Variants in MEIS1 observed in about 807,000 individuals in gnomAD.
The protein encoded by MEIS1 is homeobox protein Meis1.
In MEIS1, 5 loss-of-function variants were observed where a neutral mutation model predicts 50.8. The ratio of observed to expected loss-of-function variants is 0.10; its 90% CI spans 0.05 to 0.21. MEIS1 has a LOEUF of 0.21. Ranked by LOEUF, MEIS1 falls within the 10% of genes least tolerant of loss-of-function variation. MEIS1 has a pLI of 1.00. For synonymous variants in MEIS1, 176 were observed against 179.3 expected (o/e 0.98, Z 0.15); for missense variants, 318 against 517.3 (o/e 0.61, Z 3.74).
chr2:66,445,158 T>C (rs2103696068), intron 6 of MEIS1: 1 of 152,360 alleles, frequency 6.6e-6, no homozygotes, highest in Non-Finnish European at 1.5e-5. Context: ...GAATCTGACT[T>C]CTGGTCCCCG....
intron 5 of MEIS1, 24 bp from the exon 6 acceptor site, chr2:66,442,878 T>G (rs762812768): frequency 1.3e-6 from 2 of 1,569,624 alleles, no homozygotes; most frequent in Non-Finnish European, 1.7e-6. Context: ...ATATTCCCAT[T>G]TTTTTATTTC....
intron 7 of MEIS1, among the ~76,000 whole-genome samples, chr2:66,503,414 T>A (rs1673604243): frequency 6.6e-6 from 1 of 152,198 alleles, no homozygotes; most frequent in Non-Finnish European, 1.5e-5. Context: ...CCACTACACG[T>A]AGTTGACTTT....
intron 7 of MEIS1, among the ~76,000 whole-genome samples, chr2:66,472,824 G>A (rs536001048): frequency 6.6e-6 from 1 of 152,250 alleles, no homozygotes; most frequent in Non-Finnish European, 1.5e-5. Flanking sequence ...GCCAGCCAGT[G>A]CCTCTGCTGT....
At chr2:66,553,272 G>A (rs1674967232) in intron 9 of MEIS1, among the ~76,000 whole-genome samples, 1 of 152,144 alleles carries the variant, frequency 6.6e-6, no homozygotes. Flanking sequence ...TTGATCAATG[G>A]AGTAACAGGT....
intron 8 of MEIS1, among the ~76,000 whole-genome samples, chr2:66,516,248 C>T (rs545921178): frequency 1.1e-3 from 165 of 152,202 alleles, no homozygotes; most frequent in African/African-American, 3.7e-3. Context: ...GCATGGAGCT[C>T]CCGTGCTTCC....
At position 66,529,568 on chromosome 2, in the gene MEIS1, C is replaced by A. The variant is rs1674339848; in HGVS notation, c.888+17274C>A. On this transcript the variant is annotated intron_variant, in intron 8 of 12. Coordinates refer to ENST00000272369, the MANE Select transcript of MEIS1 (RefSeq NM_002398.3). Reference sequence around the variant, plus strand: ...CCTCCTGCCTCGGCCTCCTGAGTAGCTGGGACTGTAGGCACATGCCACCAC... The same window carrying A: ...CCTCCTGCCTCGGCCTCCTGAGTAGATGGGACTGTAGGCACATGCCACCAC... Among the ~76,000 whole-genome samples, 5 of 152,292 alleles carry A rather than the reference C, an allele frequency of 3.3e-5. No homozygotes were observed. In the South Asian group the frequency reaches 1.0e-3, roughly 32 times the overall value.
chr2:66,509,794 T>A (rs973755031), intron 7 of MEIS1, among the ~76,000 whole-genome samples: 1 of 152,180 alleles, frequency 6.6e-6, no homozygotes, highest in Non-Finnish European at 1.5e-5. Flanking sequence ...CCTGAGGTAA[T>A]GGGAAGCTAA....
At chr2:66,566,827 A>T (rs1244012158) in intron 9 of MEIS1, among the ~76,000 whole-genome samples, 1 of 150,592 alleles carries the variant, frequency 6.6e-6, no homozygotes, top group Non-Finnish European at 1.5e-5. Context: ...AAAAAAAACA[A>T]CAACAACAAA....
chr2:66,494,433 A>T (rs1244077334), intron 7 of MEIS1, among the ~76,000 whole-genome samples: 1 of 152,240 alleles, frequency 6.6e-6, no homozygotes, highest in Non-Finnish European at 1.5e-5. Flanking sequence ...ACTCTAAAGA[A>T]ATTTATTATC....
intron 7 of MEIS1, among the ~76,000 whole-genome samples, chr2:66,479,176 A>G (rs1672960660): frequency 6.6e-6 from 1 of 152,236 alleles, no homozygotes; most frequent in Non-Finnish European, 1.5e-5. Context: ...GCAGCTAAAG[A>G]AAAAACAAAA....
chr2:66,464,012 C>T, intron 6 of MEIS1, 97 bp from the exon 7 acceptor site: 1 of 832,454 alleles, frequency 1.2e-6, no homozygotes, highest in Non-Finnish European at 2.0e-6. Context: ...TGGTTATGTG[C>T]TCCAGCCCTC....
chr2:66,506,461 G>A (rs1673687198), intron 7 of MEIS1, among the ~76,000 whole-genome samples: 2 of 152,148 alleles, frequency 1.3e-5, no homozygotes, highest in South Asian at 2.1e-4. Flanking sequence ...AGGACCGGAG[G>A]TGGAGCTGTG....
At chr2:66,508,868 G>A (rs947462251) in intron 7 of MEIS1, 2 of 385,196 alleles carry the variant, frequency 5.2e-6, no homozygotes, top group African/African-American at 4.3e-5. Flanking sequence ...GCTTGTTTAT[G>A]GACTAGCATC....
At position 66,435,749 on chromosome 2, in the gene MEIS1, T is replaced by C; in HGVS notation, c.-108T>C. ...TAAGGGATTTTTCGTCGTGCTTTTT[T>C]TTTTTTTTTTTTTTTTTTCCGGGGG... On this transcript the variant is annotated 5_prime_UTR_variant, in exon 1 of 13. Coordinates refer to ENST00000272369, the MANE Select transcript of MEIS1 (RefSeq NM_002398.3). 1 of 697,446 alleles carries C rather than the reference T, an allele frequency of 1.4e-6. No individual in the cohort carries two copies. 43.2% of individuals were successfully genotyped at this position (697,446 alleles called of 1,614,324 possible).
At chr2:66,500,137 T>C (rs1673513905) in intron 7 of MEIS1, among the ~76,000 whole-genome samples, 1 of 152,216 alleles carries the variant, frequency 6.6e-6, no homozygotes, top group Admixed American at 6.5e-5. Context: ...TGTTCTTCAA[T>C]TGAGGGTCTT....
rs71411941 is a variant in MEIS1 at position 66,435,816 on chromosome 2, A to G, written c.-41A>G. On this transcript the variant is annotated 5_prime_UTR_variant, in exon 1 of 13. Transcript: ENST00000272369. ...TCTTTTCACACTGGCCTTAAAGAGG[A>G]TATATTAGAAGTTGAAGTAGGAAGG... The G allele has an allele frequency of 1.8e-3, 2,697 of 1,490,956 alleles. 5 individuals carry two copies. Among genetic ancestry groups the G allele is most frequent in the Non-Finnish European group, 2.2e-3 (2,400 of 1,107,958 alleles). The allele number at this position is 1,490,956 out of a possible 1,614,324, so 92.4% of individuals were successfully genotyped here.
intron 7 of MEIS1, among the ~76,000 whole-genome samples, chr2:66,503,966 C>T (rs1242774526): frequency 6.6e-6 from 1 of 151,862 alleles, no homozygotes; most frequent in South Asian, 2.1e-4. Flanking sequence ...AGGATGGTCT[C>T]GATCTCCTGA....
At chr2:66,469,570 T>C (rs1672719541) in intron 7 of MEIS1, among the ~76,000 whole-genome samples, 2 of 152,182 alleles carry the variant, frequency 1.3e-5, no homozygotes, top group Admixed American at 6.5e-5. Flanking sequence ...CCCAGGCATT[T>C]GAAACAGTCA....
intron 2 of MEIS1, among the ~76,000 whole-genome samples, chr2:66,438,580 CA>C (rs1235039788): frequency 6.6e-6 from 1 of 152,182 alleles, no homozygotes; most frequent in Non-Finnish European, 1.5e-5. Context: ...ACTTTGTGCT[CA>C]AAGGCGAAAC....
Sources: gnomAD v4.1 joint callset for allele counts (sites outside exome capture counted in the v4.1 genomes callset) on GRCh38, gnomAD v4.1.1 for gene constraint, MANE v1.5 for transcripts, NCBI Gene and HGNC (gene_info 2026-07-23, HGNC 2026-07-21) for gene names.